The following LSAMP variants were observed in gnomAD, a reference collection of about 807,000 sequenced individuals.
The protein encoded by LSAMP is limbic system associated membrane protein.
In LSAMP, 7 loss-of-function variants were observed where a neutral mutation model predicts 38.6. That is an observed-to-expected ratio of 0.18 (90% CI 0.10 to 0.34). The LOEUF is 0.34. Ranked by LOEUF, LSAMP falls within the 10% of genes least tolerant of loss-of-function variation. The pLI, the probability that LSAMP is intolerant of heterozygous loss-of-function variation, is 1.00. For missense variants in LSAMP, 313 were observed against 420.0 expected, an observed-to-expected ratio of 0.75 and a Z score of 2.23; for synonymous variants, 154 against 166.8, an observed-to-expected ratio of 0.92 and a Z score of 0.59.
intron 1 of LSAMP, among the ~76,000 whole-genome samples, chr3:116,337,509 G>C (rs896277420): frequency 1.3e-5 from 2 of 151,884 alleles, no homozygotes; most frequent in Non-Finnish European, 2.9e-5. Flanking sequence ...CTAACTTTTA[G>C]TCAAAAACCA....
intron 6 of LSAMP, among the ~76,000 whole-genome samples, chr3:115,832,730 C>T (rs1307846608): frequency 6.6e-6 from 1 of 152,090 alleles, no homozygotes; most frequent in Non-Finnish European, 1.5e-5. Context: ...TAGCCGAAGA[C>T]CAAAGTATTA....
rs147376185 is a variant in LSAMP at position 115,865,010 on chromosome 3, C to T, written c.515-12393G>A. 1.2e-4 allele frequency among the ~76,000 whole-genome samples: 18 copies of T among 152,262 alleles called. No homozygotes were observed. In the East Asian group the frequency reaches 1.9e-3, roughly 16 times the overall value. On this transcript the variant is annotated intron_variant, in intron 3 of 6. Coordinates refer to ENST00000490035, the MANE Select transcript of LSAMP (RefSeq NM_002338.5). ...TAGTTGACCAGAAGATTGACCCCCT[C>T]GCCTCCTGTACCTATCACATAAGAT...
intron 4 of LSAMP, among the ~76,000 whole-genome samples, chr3:115,843,687 TA>T (rs200760492): frequency 2.6e-4 from 35 of 133,220 alleles, no homozygotes; most frequent in African/African-American, 7.5e-4. Context: ...TTGTTTCTGA[TA>T]TTTTTTTTTT....
intron 1 of LSAMP, among the ~76,000 whole-genome samples, chr3:116,351,985 T>C (rs1483937208): frequency 6.6e-6 from 1 of 152,106 alleles, no homozygotes; most frequent in Non-Finnish European, 1.5e-5. Context: ...GCACTTAGAA[T>C]GTCAGAGGAA....
At chr3:116,181,842 C>T (rs2107570075) in intron 1 of LSAMP, among the ~76,000 whole-genome samples, 1 of 152,028 alleles carries the variant, frequency 6.6e-6, no homozygotes, top group South Asian at 2.1e-4. Flanking sequence ...TTTAGATTTA[C>T]AGATCCCATC....
chr3:116,174,401 G>C (rs1229594950), intron 1 of LSAMP, among the ~76,000 whole-genome samples: 1 of 151,788 alleles, frequency 6.6e-6, no homozygotes, highest in Admixed American at 6.6e-5. Flanking sequence ...ACCACATTAA[G>C]ACTATTATTC....
chr3:116,340,694 T>G (rs1034121187), intron 1 of LSAMP, among the ~76,000 whole-genome samples: 23 of 152,048 alleles, frequency 1.5e-4, no homozygotes, highest in Middle Eastern at 3.2e-3. Context: ...TATAAAAATA[T>G]CAGTATAGAT....
chr3:115,918,301 C>G (rs182193081), intron 3 of LSAMP, among the ~76,000 whole-genome samples: 4 of 152,112 alleles, frequency 2.6e-5, no homozygotes, highest in Non-Finnish European at 5.9e-5. Context: ...TAAAAAATAG[C>G]CAAGGGAAAT....
intron 1 of LSAMP, among the ~76,000 whole-genome samples, chr3:116,296,523 A>T (rs1279797573): frequency 6.6e-6 from 1 of 151,922 alleles, no homozygotes; most frequent in Non-Finnish European, 1.5e-5. Flanking sequence ...CTACTAAAAA[A>T]ATACAAAAAA....
At chr3:115,960,974 G>C (rs1393886747) in intron 3 of LSAMP, among the ~76,000 whole-genome samples, 1 of 152,224 alleles carries the variant, frequency 6.6e-6, no homozygotes, top group Admixed American at 6.5e-5. Flanking sequence ...TATCTCCCCA[G>C]CATCCTCCCA....
At chr3:116,245,030 T>TTG (rs1216070845) in intron 1 of LSAMP, among the ~76,000 whole-genome samples, 17 of 152,196 alleles carry the variant, frequency 1.1e-4, no homozygotes, top group Non-Finnish European at 2.1e-4. Flanking sequence ...AATATATATG[T>TTG]TGAAGTCTTC....
At chr3:115,896,959 C>A (rs1936744618) in intron 3 of LSAMP, among the ~76,000 whole-genome samples, 1 of 152,068 alleles carries the variant, frequency 6.6e-6, no homozygotes, top group Non-Finnish European at 1.5e-5. Flanking sequence ...GCAAGGCCTG[C>A]CCTTTGGGGT....
At chr3:116,016,637 G>A (rs1004991784) in intron 3 of LSAMP, among the ~76,000 whole-genome samples, 51 of 152,170 alleles carry the variant, frequency 3.4e-4, no homozygotes, top group African/African-American at 1.2e-3. Flanking sequence ...TGGGCCAAGT[G>A]ATCTTTATTG....
In LSAMP at chr3:115,884,163, G is replaced by C. The variant is rs148677727; in HGVS notation, c.515-31546C>G. Among the ~76,000 whole-genome samples the C allele has an allele frequency of 9.1e-4, 138 of 152,112 alleles. 1 individual carries two copies. The highest frequency in any genetic ancestry group is 3.1e-3 in the African/African-American group (130 of 41,542). ...TTTGCAAAGGGATGAAGAAAAGAGAGAGCTCTATGTATATATAAAAGATGT... is the reference window on the plus strand; with the variant it reads ...TTTGCAAAGGGATGAAGAAAAGAGACAGCTCTATGTATATATAAAAGATGT... On this transcript the variant is annotated intron_variant, in intron 3 of 6. Coordinates refer to ENST00000490035, the MANE Select transcript of LSAMP (RefSeq NM_002338.5).
At chr3:116,371,335 AGG>A (rs1227458816) in intron 1 of LSAMP, among the ~76,000 whole-genome samples, 14 of 152,210 alleles carry the variant, frequency 9.2e-5, no homozygotes, top group Non-Finnish European at 1.3e-4. Flanking sequence ...AGCATATGAA[AGG>A]ATTATACACA....
In LSAMP at chr3:116,087,227, C is replaced by T. The variant is rs142513336; in HGVS notation, c.156-671G>A. Reference sequence around the variant, plus strand: ...TTAGGTTGCTACCAGCATTTCTAGTCACACTAAATGCAGGCAATCTTTAAC... The same window carrying T: ...TTAGGTTGCTACCAGCATTTCTAGTTACACTAAATGCAGGCAATCTTTAAC... On this transcript the variant is annotated intron_variant, in intron 1 of 6. Transcript: ENST00000490035. 9.7e-3 allele frequency among the ~76,000 whole-genome samples: 1,478 copies of T among 152,326 alleles called. 8 individuals carry two copies. The highest frequency in any genetic ancestry group is 0.015 in the Non-Finnish European group (1,015 of 68,036).
rs73858077 is a variant in LSAMP, at chr3:115,819,975, A to G, written c.920-9561T>C. 3.9e-3 allele frequency among the ~76,000 whole-genome samples: 594 copies of G among 152,020 alleles called. 5 individuals are homozygous for G. The highest frequency in any genetic ancestry group is 0.014 in the African/African-American group (561 of 41,446). On this transcript the variant is annotated intron_variant, in intron 6 of 6. Transcript: ENST00000490035. ...AGACATGCTCCTACGTGCTGTGCAGATGAATCACCTTTGTCCACGAGGTGG... is the reference window on the plus strand; with the variant it reads ...AGACATGCTCCTACGTGCTGTGCAGGTGAATCACCTTTGTCCACGAGGTGG...
chr3:115,802,855 C>G lies in LSAMP; in HGVS notation c.*7462G>C, dbSNP rs1172218579. On this transcript the variant is annotated 3_prime_UTR_variant, in exon 7 of 7. Coordinates refer to ENST00000490035, the MANE Select transcript of LSAMP (RefSeq NM_002338.5). ...GATGGGGGAGGGAGTTGGAAGTGTT[C>G]TCTTTTGCTTCTCTCCCCCTGAATT... 1 of 152,094 alleles carries G rather than the reference C, an allele frequency of 6.6e-6. No homozygotes were observed. Among genetic ancestry groups the G allele is most frequent in the Non-Finnish European group, 1.5e-5 (1 of 68,022 alleles). The allele number at this position is 152,094 out of a possible 1,614,324, so 9.4% of individuals were successfully genotyped here.
At chr3:115,840,906 A>C (rs1259998665) in intron 6 of LSAMP, among the ~76,000 whole-genome samples, 1 of 152,138 alleles carries the variant, frequency 6.6e-6, no homozygotes, top group East Asian at 1.9e-4. Flanking sequence ...CTTTAGTCCA[A>C]ATGAACTTTC....
Sources: gnomAD v4.1 joint callset for allele counts (sites outside exome capture counted in the v4.1 genomes callset) on GRCh38, gnomAD v4.1.1 for gene constraint, MANE v1.5 for transcripts, NCBI Gene and HGNC (gene_info 2026-07-23, HGNC 2026-07-21) for gene names.